Variants in KIAA1217 observed in about 807,000 individuals in gnomAD.
The protein encoded by KIAA1217 is KIAA1217.
A neutral mutation model predicts 163.9 loss-of-function variants in KIAA1217; 88 were observed. The ratio of observed to expected loss-of-function variants is 0.54; its 90% CI spans 0.45 to 0.64. The LOEUF (loss-of-function observed/expected upper bound fraction) is 0.64, where lower values mean the gene tolerates loss of function less well. Among genes scored for constraint, KIAA1217 ranks in the 30% least tolerant of loss-of-function variants. KIAA1217 has a pLI of 0.00. For synonymous variants in KIAA1217, 903 were observed against 923.1 expected (o/e 0.98, Z 0.39); for missense variants, 2,372 against 2,475.0 (o/e 0.96, Z 0.88).
In KIAA1217 at chr10:24,473,972, T is replaced by A; in HGVS notation, c.1591T>A (p.Ser531Thr). ...IEKPRSAAGL[S>T]SLVDLGPPLM... is the part of the protein sequence containing the mutation. ...AAAGCCACGGAGCGCTGCAGGATTA[T>A]CCAGCCTTGTAGACCTCGGCCCTCC... The change falls in exon 6 of 21, where the codon TCC (serine) becomes ACC (threonine). Residue 531 changes from serine (S) to threonine (T), a missense_variant. Around this residue, in one of 3 missense-constraint regions of KIAA1217, gnomAD observed 1,431 missense variants for 1,470.3 expected, o/e 0.97. Coordinates refer to ENST00000376454, the MANE Select transcript of KIAA1217 (RefSeq NM_019590.5). 2 of 1,614,152 alleles carry A rather than the reference T, an allele frequency of 1.2e-6. No individual in the cohort carries two copies.
chr10:23,925,656 T>C (rs931527895), intron 1 of KIAA1217, among the ~76,000 whole-genome samples: 1 of 152,214 alleles, frequency 6.6e-6, no homozygotes, highest in African/African-American at 2.4e-5. Flanking sequence ...CCTTCAGGAC[T>C]TGCCATCTCA....
intron 1 of KIAA1217, among the ~76,000 whole-genome samples, chr10:23,704,164 G>GTATA (rs1353063268): frequency 1.5e-4 from 12 of 80,590 alleles, no homozygotes; most frequent in African/African-American, 6.5e-4. Context: ...GTGTGTGTGT[G>GTATA]TGTGTGTGTA....
chr10:23,769,730 C>G (rs574202061), intron 1 of KIAA1217, among the ~76,000 whole-genome samples: 4 of 152,324 alleles, frequency 2.6e-5, no homozygotes, highest in Non-Finnish European at 5.9e-5. Flanking sequence ...CACTCTCAAC[C>G]TCACAGAATT....
At chr10:24,225,057 C>T (rs960746380) in intron 2 of KIAA1217, among the ~76,000 whole-genome samples, 32 of 151,998 alleles carry the variant, frequency 2.1e-4, no homozygotes, top group Admixed American at 1.8e-3. Context: ...GATCTCCTGA[C>T]ATTGTGATCT....
chr10:23,966,367 G>A (rs143502177), intron 1 of KIAA1217, among the ~76,000 whole-genome samples: 124 of 152,258 alleles, frequency 8.1e-4, no homozygotes, highest in African/African-American at 2.9e-3. Context: ...CTCTAAGAGA[G>A]CACTGTTTGG....
At chr10:24,127,423 TGA>T (rs1216731880) in intron 2 of KIAA1217, among the ~76,000 whole-genome samples, 1 of 152,144 alleles carries the variant, frequency 6.6e-6, no homozygotes. Flanking sequence ...TTTTCCTTAT[TGA>T]GAGACTAGAA....
At position 24,545,960 on chromosome 10, in the gene KIAA1217, C is replaced by G. The variant is rs201391907; in HGVS notation, c.5468C>G (p.Ser1823Cys). Residue 1823 changes from serine to cysteine, a missense_variant, in exon 21 of 21, where the codon TCT becomes TGT. This residue lies in a region of KIAA1217 where 690 missense variants were observed against 677.5 expected (regional missense o/e 1.02). Transcript: ENST00000376454. ...CTGCCCTCTTCTAGTGGTGACAGCT[C>G]TAACCTCCCTAATCCACCTGCTACT... The part of the protein sequence containing the change: ...SSLPSSSGDS[S>C]NLPNPPATKP... 1.3e-4 allele frequency: 203 copies of G among 1,614,012 alleles called. No individual in the cohort carries two copies. The highest frequency in any genetic ancestry group is 1.6e-4 in the Non-Finnish European group (192 of 1,180,038).
At chr10:24,027,874 T>G (rs534648014) in intron 2 of KIAA1217, among the ~76,000 whole-genome samples, 3 of 152,166 alleles carry the variant, frequency 2.0e-5, no homozygotes, top group Admixed American at 1.3e-4. Flanking sequence ...TTGCACAGTG[T>G]CTAATAGCAC....
chr10:24,124,778 T>C (rs1215802681), intron 2 of KIAA1217, among the ~76,000 whole-genome samples: 1 of 152,230 alleles, frequency 6.6e-6, no homozygotes. Flanking sequence ...GGAAAAACTC[T>C]ACTTGATCCC....
At chr10:24,055,959 A>T in intron 2 of KIAA1217, among the ~76,000 whole-genome samples, 1 of 132,608 alleles carries the variant, frequency 7.5e-6, no homozygotes, top group Non-Finnish European at 1.5e-5. Flanking sequence ...ACTAAATTTA[A>T]AAAAAAAAAA....
intron 5 of KIAA1217, among the ~76,000 whole-genome samples, chr10:24,441,828 A>G (rs1453277683): frequency 6.6e-6 from 1 of 152,214 alleles, no homozygotes; most frequent in Non-Finnish European, 1.5e-5. Flanking sequence ...TCACAAATGT[A>G]CAACTTGAAG....
At chr10:24,398,631 A>G (rs2056143063) in intron 3 of KIAA1217, among the ~76,000 whole-genome samples, 1 of 152,086 alleles carries the variant, frequency 6.6e-6, no homozygotes, top group African/African-American at 2.4e-5. Flanking sequence ...GCATTTTTAT[A>G]TATCGACATA....
intron 2 of KIAA1217, among the ~76,000 whole-genome samples, chr10:24,105,949 C>T (rs991727705): frequency 4.6e-5 from 7 of 151,992 alleles, no homozygotes; most frequent in Admixed American, 6.6e-5. Context: ...CTTCCCAGGG[C>T]GTGGGGAGTC....
At chr10:24,132,004 A>T (rs2063669858) in intron 2 of KIAA1217, among the ~76,000 whole-genome samples, 2 of 152,212 alleles carry the variant, frequency 1.3e-5, no homozygotes, top group South Asian at 2.1e-4. Context: ...GGTCCGATGA[A>T]TACAGCATGA....
At chr10:23,788,268 T>C (rs1446236259) in intron 1 of KIAA1217, among the ~76,000 whole-genome samples, 1 of 152,196 alleles carries the variant, frequency 6.6e-6, no homozygotes, top group Non-Finnish European at 1.5e-5. Context: ...ATTCTCTTCA[T>C]TTCAATTTGT....
At chr10:24,182,874 G>A (rs1384058580) in intron 2 of KIAA1217, among the ~76,000 whole-genome samples, 1 of 152,186 alleles carries the variant, frequency 6.6e-6, no homozygotes, top group African/African-American at 2.4e-5. Flanking sequence ...AGTTATGCAA[G>A]GGGCTATGGT....
intron 1 of KIAA1217, among the ~76,000 whole-genome samples, chr10:23,751,401 C>T (rs1349108120): frequency 1.3e-5 from 2 of 152,160 alleles, no homozygotes; most frequent in Non-Finnish European, 2.9e-5. Context: ...TTTATTCAAT[C>T]ACGTATTTTA....
chr10:24,203,723 C>G (rs2067395566), intron 2 of KIAA1217, among the ~76,000 whole-genome samples: 1 of 152,218 alleles, frequency 6.6e-6, no homozygotes, highest in African/African-American at 2.4e-5. Context: ...GTGCTTGTAT[C>G]TGTAGAAGCT....
At chr10:23,729,810 T>A (rs748861211) in intron 1 of KIAA1217, among the ~76,000 whole-genome samples, 2 of 152,216 alleles carry the variant, frequency 1.3e-5, no homozygotes, top group East Asian at 3.8e-4. Flanking sequence ...GTTTATTCTT[T>A]CTTTCATGGA....
Sources: gnomAD v4.1 joint callset for allele counts (sites outside exome capture counted in the v4.1 genomes callset) on GRCh38, gnomAD v4.1.1 for gene constraint, gnomAD v4.1.1 regional missense constraint, MANE v1.5 for transcripts, NCBI Gene and HGNC (gene_info 2026-07-23, HGNC 2026-07-21) for gene names.